The following CNTLN variants were observed in gnomAD, a reference collection of about 807,000 sequenced individuals.
CNTLN encodes centlein, also known as centlein, centrosomal protein.
A neutral mutation model predicts 180.0 loss-of-function variants in CNTLN; 212 were observed. The ratio of observed to expected loss-of-function variants is 1.18; its 90% CI spans 1.05 to 1.32. The LOEUF is 1.32. CNTLN is among the 40% of genes most tolerant of loss of function. CNTLN has a pLI of 0.00. For synonymous variants in CNTLN, 722 were observed against 563.1 expected (o/e 1.28, Z -3.99); for missense variants, 2,095 against 1,610.9 (o/e 1.30, Z -5.14).
intron 7 of CNTLN, 67 bp from the exon 8 acceptor site, chr9:17,308,991 C>T: frequency 9.3e-7 from 1 of 1,075,544 alleles, no homozygotes; most frequent in Non-Finnish European, 1.3e-6. Context: ...CACACACACA[C>T]ACACAGACAC....
At chr9:17,326,770 A>G (rs1350803986) in intron 8 of CNTLN, among the ~76,000 whole-genome samples, 1 of 152,100 alleles carries the variant, frequency 6.6e-6, no homozygotes, top group Admixed American at 6.6e-5. Flanking sequence ...AAAACTCATA[A>G]CCCCAGTCTA....
In CNTLN at chr9:17,492,929, G is replaced by A. The variant is rs528430870; in HGVS notation, c.4119+5863G>A. ...AAAAAGGCATGAAGTACTGAAACATGCTACAATATGGATGAACCTTCAAGA... is the reference window on the plus strand; with the variant it reads ...AAAAAGGCATGAAGTACTGAAACATACTACAATATGGATGAACCTTCAAGA... On this transcript the variant is annotated intron_variant, in intron 25 of 25. Transcript: ENST00000380647. 4.6e-5 allele frequency among the ~76,000 whole-genome samples: 7 copies of A among 152,146 alleles called. No individual in the cohort carries two copies. The East Asian group carries it at 1.2e-3, about 25-fold the overall frequency.
At chr9:17,149,325 A>G (rs550862095) in intron 2 of CNTLN, among the ~76,000 whole-genome samples, 2 of 152,166 alleles carry the variant, frequency 1.3e-5, no homozygotes, top group East Asian at 3.9e-4. Context: ...TCCTTTGGGT[A>G]CATGCCTAGT....
In CNTLN at chr9:17,267,482, C is replaced by T. The variant is rs538229377; in HGVS notation, c.850-6251C>T. ...TGGCTGCCCTTAACATTTTTTCCTTCATTTCAACTTTGGTGAATCTGACAA... is the reference window on the plus strand; with the variant it reads ...TGGCTGCCCTTAACATTTTTTCCTTTATTTCAACTTTGGTGAATCTGACAA... On this transcript the variant is annotated intron_variant, in intron 5 of 25. Coordinates refer to ENST00000380647, the MANE Select transcript of CNTLN (RefSeq NM_017738.4). Among the ~76,000 whole-genome samples, 9 of 152,212 alleles carry T rather than the reference C, an allele frequency of 5.9e-5. No individual in the cohort carries two copies. The East Asian group carries it at 1.5e-3, about 26-fold the overall frequency.
intron 8 of CNTLN, among the ~76,000 whole-genome samples, chr9:17,324,482 A>AT (rs1820128893): frequency 6.6e-6 from 1 of 152,148 alleles, no homozygotes; most frequent in South Asian, 2.1e-4. Flanking sequence ...TCTATAGGTA[A>AT]TTTGTAAATT....
chr9:17,341,377 A>C (rs557900718), intron 11 of CNTLN, among the ~76,000 whole-genome samples: 1 of 152,334 alleles, frequency 6.6e-6, no homozygotes, highest in South Asian at 2.1e-4. Context: ...ATATATAGTT[A>C]ACTATCTTAA....
chr9:17,417,379 G>A (rs932032541), intron 18 of CNTLN, among the ~76,000 whole-genome samples: 3 of 150,554 alleles, frequency 2.0e-5, no homozygotes, highest in African/African-American at 2.4e-5. Context: ...ATATCTCACC[G>A]TGATATTATA....
chr9:17,452,204 G>T (rs563470167), intron 18 of CNTLN, among the ~76,000 whole-genome samples: 4 of 152,072 alleles, frequency 2.6e-5, no homozygotes, highest in African/African-American at 9.7e-5. Context: ...TCATTATTGG[G>T]CCTGAAGAAT....
At chr9:17,471,774 G>T (rs1021376509) in intron 23 of CNTLN, among the ~76,000 whole-genome samples, 1 of 152,088 alleles carries the variant, frequency 6.6e-6, no homozygotes, top group East Asian at 1.9e-4. Flanking sequence ...TTTTGAACTG[G>T]TAATAGAAGG....
intron 2 of CNTLN, among the ~76,000 whole-genome samples, chr9:17,221,521 A>G (rs763256103): frequency 2.0e-5 from 3 of 152,124 alleles, no homozygotes; most frequent in Non-Finnish European, 4.4e-5. Flanking sequence ...CAAATGGTAA[A>G]AATAAATCAT....
chr9:17,497,512 T>C (rs991812956), intron 25 of CNTLN, among the ~76,000 whole-genome samples: 2 of 152,158 alleles, frequency 1.3e-5, no homozygotes, highest in Admixed American at 6.5e-5. Flanking sequence ...ATAAATAGAA[T>C]AGATCACCCA....
At chr9:17,378,307 G>A (rs933803105) in intron 13 of CNTLN, among the ~76,000 whole-genome samples, 4 of 152,164 alleles carry the variant, frequency 2.6e-5, no homozygotes, top group South Asian at 2.1e-4. Flanking sequence ...AGTCTCCCAC[G>A]TAGCTAGGAT....
intron 14 of CNTLN, 143 bp downstream of exon 14, chr9:17,388,396 C>T: frequency 1.8e-6 from 1 of 565,872 alleles, no homozygotes. Context: ...CATTGGCTTG[C>T]CAAAATGGGG....
At chr9:17,420,114 C>T (rs1302676208) in intron 18 of CNTLN, among the ~76,000 whole-genome samples, 2 of 152,094 alleles carry the variant, frequency 1.3e-5, no homozygotes, top group African/African-American at 4.8e-5. Flanking sequence ...GGGGTTTCAC[C>T]ATGTTGGCTA....
intron 6 of CNTLN, among the ~76,000 whole-genome samples, chr9:17,296,762 G>A (rs1274562332): frequency 6.6e-6 from 1 of 151,928 alleles, no homozygotes; most frequent in Admixed American, 6.6e-5. Context: ...GCATGTTTCA[G>A]TTTTTTGAAT....
chr9:17,221,155 G>A (rs118007877), intron 2 of CNTLN, among the ~76,000 whole-genome samples: 3,855 of 152,092 alleles, frequency 0.025, 53 homozygotes, highest in Middle Eastern at 0.1. Context: ...AATAGATTTA[G>A]TATTCTTTTG....
At chr9:17,381,796 A>G (rs1416276325) in intron 13 of CNTLN, among the ~76,000 whole-genome samples, 1 of 152,170 alleles carries the variant, frequency 6.6e-6, no homozygotes, top group Non-Finnish European at 1.5e-5. Flanking sequence ...CCTTGAGGCA[A>G]TATTGGATTT....
chr9:17,521,661 C>A, the CNTLN span, among the ~76,000 whole-genome samples: 7 of 152,216 alleles, frequency 4.6e-5, no homozygotes, highest in South Asian at 1.5e-3. Context: ...CTACTATCAC[C>A]AGGTGGCAAT....
At chr9:17,407,006 A>C (rs1827444739) in intron 15 of CNTLN, among the ~76,000 whole-genome samples, 1 of 151,502 alleles carries the variant, frequency 6.6e-6, no homozygotes, top group Non-Finnish European at 1.5e-5. Flanking sequence ...TTGGCCAAAC[A>C]AAAAAGAGGA....
Sources: allele counts gnomAD v4.1 joint callset (sites outside exome capture counted in the v4.1 genomes callset), GRCh38; gene constraint gnomAD v4.1.1; transcripts MANE v1.5; gene names NCBI Gene and HGNC (gene_info 2026-07-23, HGNC 2026-07-21).